Variants in CHP1 observed in about 807,000 individuals in gnomAD.
CHP1 encodes the protein calcineurin like EF-hand protein 1.
In CHP1, 11 loss-of-function variants were observed where a neutral mutation model predicts 27.4. The observed-to-expected ratio is 0.40, with a 90% CI of 0.25 to 0.67. The LOEUF is 0.67. Among genes scored for constraint, CHP1 ranks in the 30% least tolerant of loss-of-function variants. CHP1 has a pLI of 0.38. For missense variants in CHP1, 169 were observed against 251.3 expected (o/e 0.67, Z 2.22); for synonymous variants, 89 against 87.4 (o/e 1.02, Z -0.10).
intron 1 of CHP1, among the ~76,000 whole-genome samples, chr15:41,232,821 GAA>G (rs1301727246): frequency 2.0e-5 from 3 of 152,130 alleles, no homozygotes; most frequent in African/African-American, 7.2e-5. Flanking sequence ...GTGCTATGGG[GAA>G]CTACAGAATT....
chr15:41,256,085 T>TG (rs2047399294), intron 2 of CHP1, among the ~76,000 whole-genome samples: 1 of 152,152 alleles, frequency 6.6e-6, no homozygotes, highest in Non-Finnish European at 1.5e-5. Context: ...ACTTACAGAC[T>TG]TAGATTTAAA....
intron 4 of CHP1, among the ~76,000 whole-genome samples, chr15:41,263,882 GAAAAC>G: frequency 6.6e-6 from 1 of 152,214 alleles, no homozygotes; most frequent in South Asian, 2.1e-4. Flanking sequence ...ACAAAGAAAA[GAAAAC>G]AAAACAAAAT....
intron 2 of CHP1, among the ~76,000 whole-genome samples, chr15:41,250,467 C>T (rs891734253): frequency 1.2e-4 from 18 of 151,758 alleles, no homozygotes; most frequent in Admixed American, 6.6e-5. Flanking sequence ...TTTGGGAGGC[C>T]GAGGCAGGGG....
At chr15:41,257,020 C>G (rs758259431) in intron 3 of CHP1, 30 bp downstream of exon 3, 48 of 1,550,232 alleles carry the variant, frequency 3.1e-5, no homozygotes, top group Non-Finnish European at 4.3e-5. Context: ...GGACTTCCTT[C>G]CTGAGGCTAT....
chr15:41,276,435 A>G (rs1246641443), intron 5 of CHP1, among the ~76,000 whole-genome samples: 1 of 152,138 alleles, frequency 6.6e-6, no homozygotes, highest in Non-Finnish European at 1.5e-5. Context: ...CTCCCATTTC[A>G]TATTGCCTAA....
chr15:41,260,629 A>C (rs2047428196), intron 3 of CHP1, among the ~76,000 whole-genome samples: 1 of 152,062 alleles, frequency 6.6e-6, no homozygotes, highest in African/African-American at 2.4e-5. Context: ...TCCTGACCTC[A>C]GGTGATCCAC....
intron 1 of CHP1, chr15:41,234,279 A>T (rs1033091235): frequency 6.6e-6 from 1 of 152,132 alleles, no homozygotes; most frequent in Non-Finnish European, 1.5e-5. Context: ...TTCAAGGAGT[A>T]ATTTGGTATG....
Position 41,243,688 on chromosome 15 carries a change from G to T in CHP1, c.89G>T (p.Arg30Leu). The T allele has an allele frequency of 1.2e-6, 2 of 1,614,002 alleles. No individual in the cohort carries two copies. Among genetic ancestry groups the T allele is most frequent in the Non-Finnish European group, 1.7e-6 (2 of 1,179,964 alleles). The change falls in exon 2 of 7, where the codon CGC (arginine) becomes CTC (leucine). Residue 30 changes from arginine to leucine, a missense_variant. Coordinates refer to ENST00000334660, the MANE Select transcript of CHP1 (RefSeq NM_007236.5). Reference protein sequence around the residue: ...ETGFSHSQITRLYSRFTSLDK... With the variant: ...ETGFSHSQITLLYSRFTSLDK... ...TTAGTTTCCCACAGTCAAATCACTC[G>T]CCTCTACAGCCGGTTCACCAGCCTG... is the stretch of plus-strand genomic sequence containing the variant.
In CHP1 at chr15:41,264,252, A is replaced by G. The variant is rs1020161754; in HGVS notation, c.349+1369A>G. ...GCATGGAATGTAAGTCCTTCCCCTC[A>G]CTTTGATAAGTCAGTTCAGGTCAGG... On this transcript the variant is annotated intron_variant, in intron 4 of 6. Transcript: ENST00000334660. The G allele has an allele frequency of 3.9e-6, 5 of 1,275,450 alleles. No individual in the cohort carries two copies. In the African/African-American group the frequency reaches 4.6e-5, roughly 12 times the overall value. 79.0% of individuals were successfully genotyped at this position (1,275,450 alleles called of 1,614,324 possible).
intron 2 of CHP1, chr15:41,256,661 G>A (rs984623320): frequency 3.4e-5 from 17 of 495,912 alleles, no homozygotes; most frequent in African/African-American, 1.8e-4. Flanking sequence ...GCTTATTGAC[G>A]TAACCTGTGT....
intron 1 of CHP1, among the ~76,000 whole-genome samples, chr15:41,233,589 G>A (rs559525681): frequency 6.6e-6 from 1 of 152,294 alleles, no homozygotes; most frequent in Admixed American, 6.5e-5. Context: ...TTTTTACAGT[G>A]TCTGTTCAGT....
chr15:41,242,938 C>T (rs1042897412), intron 1 of CHP1, among the ~76,000 whole-genome samples: 4 of 151,106 alleles, frequency 2.6e-5, no homozygotes, highest in Non-Finnish European at 5.9e-5. Flanking sequence ...AGTGAAACCC[C>T]ATCTCAGAAA....
chr15:41,237,751 G>A (rs1440543106), intron 1 of CHP1, among the ~76,000 whole-genome samples: 1 of 151,714 alleles, frequency 6.6e-6, no homozygotes, highest in Non-Finnish European at 1.5e-5. Flanking sequence ...TTTTTGAGAT[G>A]GAGTCTCGTT....
At chr15:41,254,824 C>G (rs2047390475) in intron 2 of CHP1, among the ~76,000 whole-genome samples, 1 of 152,200 alleles carries the variant, frequency 6.6e-6, no homozygotes, top group African/African-American at 2.4e-5. Flanking sequence ...TATCTTCCGT[C>G]TTTGCTAGCA....
At position 41,274,161 on chromosome 15, in the gene CHP1, G is replaced by A. The variant is rs139257047; in HGVS notation, c.411+3543G>A. 5.3e-3 allele frequency among the ~76,000 whole-genome samples: 801 copies of A among 151,888 alleles called. 3 individuals carry two copies. The highest frequency in any genetic ancestry group is 6.0e-3 in the African/African-American group (247 of 41,484). Reference sequence around the variant, plus strand: ...TTTTTAGTAGAGACGGGGTTTCACCGTATTGGCCAGGCTGGTCTTGAACTC... The same window carrying A: ...TTTTTAGTAGAGACGGGGTTTCACCATATTGGCCAGGCTGGTCTTGAACTC... On this transcript the variant is annotated intron_variant, in intron 5 of 6. Coordinates refer to ENST00000334660, the MANE Select transcript of CHP1 (RefSeq NM_007236.5).
chr15:41,276,845 A>G (rs898053525), intron 5 of CHP1, among the ~76,000 whole-genome samples: 6 of 152,236 alleles, frequency 3.9e-5, no homozygotes, highest in Non-Finnish European at 7.3e-5. Flanking sequence ...AATGTTTGGC[A>G]TAGATTGTCC....
chr15:41,240,144 G>C (rs1304980410), intron 1 of CHP1, among the ~76,000 whole-genome samples: 1 of 152,072 alleles, frequency 6.6e-6, no homozygotes, highest in African/African-American at 2.4e-5. Flanking sequence ...TGGCTCATTT[G>C]TGGATTTTTT....
At chr15:41,276,983 G>A (rs2047522569) in intron 5 of CHP1, among the ~76,000 whole-genome samples, 1 of 152,148 alleles carries the variant, frequency 6.6e-6, no homozygotes, top group Non-Finnish European at 1.5e-5. Flanking sequence ...ACAGAATGAG[G>A]TAAGAAGAAT....
intron 5 of CHP1, 120 bp from the exon 6 acceptor site, chr15:41,278,647 C>T: frequency 8.5e-7 from 1 of 1,181,512 alleles, no homozygotes; most frequent in South Asian, 1.4e-5. Flanking sequence ...TTATGCAGTG[C>T]ATGACTGTAT....
Sources: gnomAD v4.1 joint callset for allele counts (sites outside exome capture counted in the v4.1 genomes callset) on GRCh38, gnomAD v4.1.1 for gene constraint, MANE v1.5 for transcripts, NCBI Gene and HGNC (gene_info 2026-07-23, HGNC 2026-07-21) for gene names.